Variants in HUWE1 observed in about 807,000 individuals in gnomAD.
The protein encoded by HUWE1 is E3 ubiquitin-protein ligase HUWE1.
HUWE1 carries 18 observed loss-of-function variants against 299.4 expected under a neutral mutation model. The observed-to-expected ratio is 0.06, with a 90% CI of 0.04 to 0.09. The LOEUF is 0.09. Among genes scored for constraint, HUWE1 ranks in the 10% least tolerant of loss-of-function variants. HUWE1 has a pLI of 1.00. For missense variants in HUWE1, 1,832 were observed against 3,462.3 expected (o/e 0.53, Z 11.82); for synonymous variants, 1,317 against 1,286.1 (o/e 1.02, Z -0.51).
In HUWE1 at chrX:53,616,925, A is replaced by C. The variant is rs141599369; in HGVS notation, c.1957+45T>G. The C allele has an allele frequency of 5.6e-4, 618 of 1,100,501 alleles. 10 individuals carry two copies. In the East Asian group the frequency reaches 0.019, roughly 33 times the overall value. 90.7% of individuals were successfully genotyped at this position (1,100,501 alleles called of 1,213,427 possible). The stretch of plus-strand genomic sequence containing the variant: ...GATGATCAAGGAAGAGTTTCCTTGC[A>C]AACTAAATCAATTTTCTACTATAAA... On this transcript the variant is annotated intron_variant, in intron 21 of 83. Transcript: ENST00000262854.
At chrX:53,533,823 GC>G in intron 83 of HUWE1, 183 bp downstream of exon 83, 1 of 494,890 alleles carries the variant, frequency 2.0e-6, no homozygotes, top group East Asian at 3.6e-5. Flanking sequence ...TGTCTCCCCA[GC>G]CCCCACTGTG....
Position 53,534,192 on chromosome X carries a change from C to A in HUWE1, c.12837G>T (p.Gln4279His), listed in dbSNP as rs1361976479. 8.3e-7 allele frequency: 1 copy of A among 1,205,873 alleles called. No individual in the cohort carries two copies. Among genetic ancestry groups the A allele is most frequent in the Non-Finnish European group, 1.1e-6 (1 of 892,220 alleles). Residue 4279 changes from glutamine (Q) to histidine (H), a missense_variant, in exon 83 of 84, where the codon CAG (glutamine) becomes CAT (histidine). This residue lies in a region of HUWE1 where 129 missense variants were observed against 439.4 expected (regional missense o/e 0.29). Transcript: ENST00000262854. ...AAGAACGCAATGCTCTCCAGAACCA[C>A]TGGATCTGTAGGAAGGGACCCATGA... is the stretch of plus-strand genomic sequence containing the variant. ...HKYQSNSIQIQWFWRALRSFD... is the reference protein window; with the variant it reads ...HKYQSNSIQIHWFWRALRSFD...
Position 53,595,305 on chromosome X carries a change from C to T in HUWE1, c.3262G>A (p.Ala1088Thr). 2 of 1,210,779 alleles carry T rather than the reference C, an allele frequency of 1.7e-6. No individual in the cohort carries two copies. Among genetic ancestry groups the T allele is most frequent in the Non-Finnish European group, 2.2e-6 (2 of 895,020 alleles). ...PVRQRRSHHA[A>T]STTTAPTPAA... ...GGTGTCGGTGCTGTAGTGGTGCTGG[C>T]AGCATGATGGCTCCTTCTCTGGCGG... The change falls in exon 30 of 84, where the codon GCC becomes ACC. Residue 1088 changes from alanine (A) to threonine (T), a missense_variant. Ala to Thr is a moderately conservative substitution (Grantham distance 58). Around this residue, in one of 15 missense-constraint regions of HUWE1, gnomAD observed 658 missense variants for 1,282.6 expected, o/e 0.51. Transcript: ENST00000262854.
intron 12 of HUWE1, among the ~76,000 whole-genome samples, chrX:53,630,644 C>G (rs1171474544): frequency 9.6e-6 from 1 of 104,249 alleles, no homozygotes; most frequent in East Asian, 3.0e-4. Flanking sequence ...AGTAGGGGGA[C>G]AGTGAACGAT....
intron 3 of HUWE1, among the ~76,000 whole-genome samples, chrX:53,667,991 A>G (rs782160942): frequency 2.2e-4 from 24 of 111,308 alleles, no homozygotes; most frequent in Admixed American, 1.8e-3. Context: ...ACACAGGTAT[A>G]TGGTATTTTT....
chrX:53,614,737 T>G lies in HUWE1; in HGVS notation c.2058A>C (p.Glu686Asp). Reference protein sequence around the residue: ...DATTAIIKLLEEICNLGRDPK... With the variant: ...DATTAIIKLLDEICNLGRDPK... The stretch of plus-strand genomic sequence containing the variant: ...GGTCCCTTCCAAGATTACAGATTTC[T>G]TCAAGTAACTGAAAGGCACAGGAAA... The change falls in exon 23 of 84, where the codon GAA (glutamate) becomes GAC (aspartate). Residue 686 changes from glutamate (E) to aspartate (D), a missense_variant. Glu to Asp is a conservative substitution (Grantham distance 45). Around this residue, in one of 15 missense-constraint regions of HUWE1, gnomAD observed 658 missense variants for 1,282.6 expected, o/e 0.51. Coordinates refer to ENST00000262854, the MANE Select transcript of HUWE1 (RefSeq NM_031407.7). 1 of 1,180,727 alleles carries G rather than the reference T, an allele frequency of 8.5e-7. No homozygotes were observed. Among genetic ancestry groups the G allele is most frequent in the Non-Finnish European group, 1.2e-6 (1 of 867,757 alleles).
Position 53,619,822 on chromosome X carries a change from A to C in HUWE1, c.1673-2376T>G, listed in dbSNP as rs1454840563. Reference sequence around the variant, plus strand: ...GGAAAGTCAAGGTTACAGAGAAGAGAGTAAAGGAAGGCAGAAGGTCATCAC... The same window carrying C: ...GGAAAGTCAAGGTTACAGAGAAGAGCGTAAAGGAAGGCAGAAGGTCATCAC... On this transcript the variant is annotated intron_variant, in intron 19 of 83. Coordinates refer to ENST00000262854, the MANE Select transcript of HUWE1 (RefSeq NM_031407.7). 2.0e-4 allele frequency among the ~76,000 whole-genome samples: 22 copies of C among 111,569 alleles called. No individual in the cohort carries two copies. In the Admixed American group the frequency reaches 2.1e-3, roughly 11 times the overall value.
intron 4 of HUWE1, among the ~76,000 whole-genome samples, chrX:53,649,455 C>T (rs984069946): frequency 1.8e-5 from 2 of 112,034 alleles, no homozygotes; most frequent in South Asian, 3.7e-4. Flanking sequence ...CTGGGAGAAA[C>T]GTATTTTCGG....
intron 48 of HUWE1, 67 bp downstream of exon 48, chrX:53,569,549 C>A: frequency 1.9e-6 from 2 of 1,042,121 alleles, no homozygotes; most frequent in East Asian, 3.0e-5. Context: ...CAAAACCACC[C>A]ATGGACTAAG....
intron 8 of HUWE1, 139 bp downstream of exon 8, chrX:53,634,097 A>G: frequency 5.6e-6 from 3 of 532,381 alleles, no homozygotes; most frequent in Non-Finnish European, 1.0e-5. Context: ...TGGTTCAGCT[A>G]TGTCTGAACT....
chrX:53,617,935 T>C (rs782670436), intron 19 of HUWE1, among the ~76,000 whole-genome samples: 10 of 112,038 alleles, frequency 8.9e-5, no homozygotes, highest in African/African-American at 1.6e-4. Context: ...CTGATGAAAA[T>C]AGATAAACTG....
chrX:53,666,387 C>A, intron 3 of HUWE1, among the ~76,000 whole-genome samples: 1 of 111,155 alleles, frequency 9.0e-6, no homozygotes, highest in African/African-American at 3.3e-5. Flanking sequence ...GAACAATAGC[C>A]CTGTGTTGAT....
chrX:53,558,616 C>T lies in HUWE1; in HGVS notation c.8160+39G>A, dbSNP rs782623332. On this transcript the variant is annotated intron_variant, in intron 59 of 83. Transcript: ENST00000262854. ...TATGCCAAAACCACATTACGGCAGA[C>T]ACAGTCAAAGATGAATCCTCCCAGC... 5.9e-6 allele frequency: 7 copies of T among 1,179,743 alleles called. No individual in the cohort carries two copies. In the Admixed American group the frequency reaches 1.1e-4, roughly 18 times the overall value.
At chrX:53,647,046 G>A (rs1557036513) in intron 6 of HUWE1, among the ~76,000 whole-genome samples, 1 of 111,707 alleles carries the variant, frequency 9.0e-6, no homozygotes, top group Non-Finnish European at 1.9e-5. Flanking sequence ...GAATTTAAAA[G>A]TAATGTGGGG....
intron 12 of HUWE1, among the ~76,000 whole-genome samples, chrX:53,629,937 A>G (rs782722747): frequency 6.2e-5 from 7 of 112,608 alleles, no homozygotes; most frequent in East Asian, 5.6e-4. Flanking sequence ...TGCCTTCAAT[A>G]TAAGATTTCC....
intron 3 of HUWE1, among the ~76,000 whole-genome samples, chrX:53,671,475 T>C (rs1467563189): frequency 1.8e-5 from 2 of 111,208 alleles, no homozygotes; most frequent in Non-Finnish European, 3.8e-5. Context: ...CTGCATACAA[T>C]AAAATACAAT....
At chrX:53,648,359 G>A (rs1052601014) in intron 4 of HUWE1, 49 bp from the exon 5 acceptor site, 4 of 763,053 alleles carry the variant, frequency 5.2e-6, no homozygotes, top group Non-Finnish European at 8.0e-6. Context: ...TGAGGGAGTT[G>A]CAAATAAGGA....
chrX:53,634,943 CTTA>C (rs1557025460), intron 7 of HUWE1, among the ~76,000 whole-genome samples: 2 of 112,065 alleles, frequency 1.8e-5, no homozygotes, highest in Non-Finnish European at 3.8e-5. Context: ...TAGCCTGCAT[CTTA>C]ACAGCCTTTA....
intron 3 of HUWE1, among the ~76,000 whole-genome samples, chrX:53,671,288 T>C (rs2069515603): frequency 9.0e-6 from 1 of 111,552 alleles, no homozygotes. Context: ...AAATAAAAAA[T>C]TAAAAATATT....
Sources: gnomAD v4.1 joint callset for allele counts (sites outside exome capture counted in the v4.1 genomes callset) on GRCh38, gnomAD v4.1.1 for gene constraint, gnomAD v4.1.1 regional missense constraint, MANE v1.5 for transcripts, NCBI Gene and HGNC (gene_info 2026-07-23, HGNC 2026-07-21) for gene names.